Variants in DLGAP1 observed in about 807,000 individuals in gnomAD.
DLGAP1 encodes the protein disks large-associated protein 1.
In DLGAP1, 11 loss-of-function variants were observed where a neutral mutation model predicts 90.8. The ratio of observed to expected loss-of-function variants is 0.12; its 90% CI spans 0.08 to 0.20. The LOEUF is 0.20. DLGAP1 is among the 10% of genes least tolerant of loss of function. The pLI, the probability that DLGAP1 is intolerant of heterozygous loss-of-function variation, is 1.00. For synonymous variants in DLGAP1, 558 were observed against 540.7 expected (o/e 1.03, Z -0.44); for missense variants, 1,050 against 1,333.8 (o/e 0.79, Z 3.31).
intron 2 of DLGAP1, among the ~76,000 whole-genome samples, chr18:4,057,504 C>A (rs2143216640): frequency 6.6e-6 from 1 of 152,282 alleles, no homozygotes; most frequent in Non-Finnish European, 1.5e-5. Context: ...GATCGCAATC[C>A]CCCAGAAGCC....
chr18:3,798,423 GACAGGGACAGAGATGGACCT>G lies in DLGAP1; in HGVS notation c.1172+15616_1172+15635del, dbSNP rs2066118377. 2.6e-5 allele frequency among the ~76,000 whole-genome samples: 4 copies of G among 152,262 alleles called. No individual in the cohort carries two copies. The South Asian group carries it at 6.2e-4, about 24-fold the overall frequency. Reference sequence around the variant, plus strand: ...GAAGTACCTTCCTTTTAGGGACAGGGACAGGGACAGAGATGGACCTACAGGGATCAAAGGCTACAGGCAGC... The same window carrying G: ...GAAGTACCTTCCTTTTAGGGACAGGGACAGGGATCAAAGGCTACAGGCAGC... On this transcript the variant is annotated intron_variant, in intron 5 of 12. Transcript: ENST00000315677.
At chr18:4,314,956 T>C (rs2049625201) in intron 1 of DLGAP1, among the ~76,000 whole-genome samples, 1 of 152,234 alleles carries the variant, frequency 6.6e-6, no homozygotes, top group South Asian at 2.1e-4. Flanking sequence ...GAGAAACATT[T>C]ATCTAAAGAA....
chr18:4,304,109 T>C (rs1337517329), intron 1 of DLGAP1, among the ~76,000 whole-genome samples: 1 of 152,240 alleles, frequency 6.6e-6, no homozygotes, highest in Non-Finnish European at 1.5e-5. Flanking sequence ...TCTGAATTCA[T>C]AAAACTGTGC....
At chr18:4,120,991 G>A (rs1012390290) in intron 2 of DLGAP1, among the ~76,000 whole-genome samples, 2 of 152,138 alleles carry the variant, frequency 1.3e-5, no homozygotes, top group African/African-American at 2.4e-5. Flanking sequence ...GAGGAGGTGG[G>A]CACAGACAGT....
At chr18:3,877,058 C>T (rs2071023294) in intron 4 of DLGAP1, among the ~76,000 whole-genome samples, 1 of 152,042 alleles carries the variant, frequency 6.6e-6, no homozygotes, top group Non-Finnish European at 1.5e-5. Context: ...GATTGTGGGG[C>T]TTTAAATGAC....
chr18:4,050,461 C>T (rs1039415813), intron 2 of DLGAP1, among the ~76,000 whole-genome samples: 1 of 152,288 alleles, frequency 6.6e-6, no homozygotes, highest in South Asian at 2.1e-4. Context: ...CTTCATGGAA[C>T]AAAAACTAAG....
intron 2 of DLGAP1, among the ~76,000 whole-genome samples, chr18:4,016,954 A>G (rs1300645019): frequency 1.3e-5 from 2 of 152,232 alleles, no homozygotes; most frequent in African/African-American, 2.4e-5. Context: ...CGTGGAGTAT[A>G]CTAAAGGCTC....
intron 7 of DLGAP1, among the ~76,000 whole-genome samples, chr18:3,628,553 C>A (rs2058400552): frequency 6.6e-6 from 1 of 152,108 alleles, no homozygotes; most frequent in Admixed American, 6.6e-5. Context: ...CTATAGAATG[C>A]CTCCGAGCCT....
chr18:4,252,467 T>C (rs1158512729), intron 1 of DLGAP1, among the ~76,000 whole-genome samples: 1 of 151,970 alleles, frequency 6.6e-6, no homozygotes. Flanking sequence ...CTGCATAAAT[T>C]GGAAAGAAAG....
intron 1 of DLGAP1, among the ~76,000 whole-genome samples, chr18:4,162,528 A>T (rs1186499731): frequency 1.3e-5 from 2 of 152,220 alleles, no homozygotes; most frequent in African/African-American, 2.4e-5. Context: ...TATAACTACA[A>T]GGAAGTAAAT....
chr18:4,232,314 A>C (rs1217087166), intron 1 of DLGAP1, among the ~76,000 whole-genome samples: 1 of 152,158 alleles, frequency 6.6e-6, no homozygotes, highest in Non-Finnish European at 1.5e-5. Flanking sequence ...GCTTAACTTG[A>C]ATTTAAATGT....
chr18:4,441,839 A>T (rs2083542303), intron 1 of DLGAP1, among the ~76,000 whole-genome samples: 1 of 152,224 alleles, frequency 6.6e-6, no homozygotes, highest in Non-Finnish European at 1.5e-5. Context: ...ATTTCACTCT[A>T]CGATTCTCGG....
intron 1 of DLGAP1, among the ~76,000 whole-genome samples, chr18:4,368,829 A>T (rs552500834): frequency 1.8e-4 from 27 of 152,246 alleles, no homozygotes; most frequent in Non-Finnish European, 3.4e-4. Flanking sequence ...AAATTATTAA[A>T]ATTCATGGTT....
At position 3,974,015 on chromosome 18, in the gene DLGAP1, C is replaced by T. The variant is rs751955431; in HGVS notation, c.-73+31101G>A. 9.9e-5 allele frequency among the ~76,000 whole-genome samples: 15 copies of T among 152,244 alleles called. No homozygotes were observed. The East Asian group carries it at 2.3e-3, about 24-fold the overall frequency. ...TGAATACTGTAGGCAATTGTAACACCGTGGGAAGTATTTGTGTATCTAACC... is the reference window on the plus strand; with the variant it reads ...TGAATACTGTAGGCAATTGTAACACTGTGGGAAGTATTTGTGTATCTAACC... On this transcript the variant is annotated intron_variant, in intron 3 of 12. Coordinates refer to ENST00000315677, the MANE Select transcript of DLGAP1 (RefSeq NM_004746.4).
At chr18:4,110,358 G>A (rs764736356) in intron 2 of DLGAP1, among the ~76,000 whole-genome samples, 1 of 152,154 alleles carries the variant, frequency 6.6e-6, no homozygotes, top group Non-Finnish European at 1.5e-5. Flanking sequence ...ATTGTTGACT[G>A]AGCATCATTA....
Position 3,565,058 on chromosome 18 carries a change from G to A in DLGAP1, c.2057+2432C>T, listed in dbSNP as rs749435686. Among the ~76,000 whole-genome samples the A allele has an allele frequency of 5.3e-5, 8 of 152,322 alleles. No individual in the cohort carries two copies. The highest frequency in any genetic ancestry group is 1.3e-4 in the Admixed American group (2 of 15,300). On this transcript the variant is annotated intron_variant, in intron 9 of 12. Transcript: ENST00000315677. The surrounding 1 kb of genome is among the most constrained non-coding windows in gnomAD (Gnocchi z 4.0). ...CCTCAGTTAGTAAGGGGCACAGCCA[G>A]GATTTGGTGTTCTGGCTCAAGAGTC...
intron 2 of DLGAP1, among the ~76,000 whole-genome samples, chr18:4,106,031 CAAAAAAAAAAA>C (rs60176243): frequency 2.9e-5 from 3 of 102,240 alleles, no homozygotes; most frequent in African/African-American, 1.0e-4. Flanking sequence ...GGGTCCGTCT[CAAAAAAAAAAA>C]AAAAAAAAAA....
chr18:3,637,140 C>A (rs2058748137), intron 7 of DLGAP1, among the ~76,000 whole-genome samples: 1 of 152,082 alleles, frequency 6.6e-6, no homozygotes. Context: ...ATCCAATAGG[C>A]AACAGTGATA....
chr18:3,957,916 G>A (rs2073114421), intron 3 of DLGAP1, among the ~76,000 whole-genome samples: 1 of 145,024 alleles, frequency 6.9e-6, no homozygotes, highest in African/African-American at 2.6e-5. Flanking sequence ...TTTTTGAGAT[G>A]GAGTTTCACT....
Sources: allele counts gnomAD v4.1 joint callset (sites outside exome capture counted in the v4.1 genomes callset), GRCh38; gene constraint gnomAD v4.1.1; non-coding constraint Gnocchi (gnomAD v3.1); transcripts MANE v1.5; gene names NCBI Gene and HGNC (gene_info 2026-07-23, HGNC 2026-07-21).